Variants in ADARB2 observed in about 807,000 individuals in gnomAD.
ADARB2 encodes inactive double-stranded RNA-specific editase B2.
A neutral mutation model predicts 62.2 loss-of-function variants in ADARB2; 25 were observed. The ratio of observed to expected loss-of-function variants is 0.40; its 90% CI spans 0.29 to 0.56. The LOEUF (loss-of-function observed/expected upper bound fraction) is 0.56, where lower values mean the gene tolerates loss of function less well. ADARB2 is among the 20% of genes least tolerant of loss of function. The pLI, the probability that ADARB2 is intolerant of heterozygous loss-of-function variation, is 0.43. For missense variants in ADARB2, 1,071 were observed against 1,077.4 expected, an observed-to-expected ratio of 0.99 and a Z score of 0.08; for synonymous variants, 572 against 500.8, an observed-to-expected ratio of 1.14 and a Z score of -1.90.
At chr10:1,247,498 C>T (rs1427548990) in intron 4 of ADARB2, among the ~76,000 whole-genome samples, 5 of 151,994 alleles carry the variant, frequency 3.3e-5, no homozygotes, top group Admixed American at 1.3e-4. Context: ...TTTTGAGATA[C>T]GTCCCATTAA....
chr10:1,492,378 G>T (rs1009393626), intron 1 of ADARB2, among the ~76,000 whole-genome samples: 6 of 152,136 alleles, frequency 3.9e-5, no homozygotes, highest in African/African-American at 1.4e-4. Context: ...GTGGGTCCAT[G>T]GTCCAGTATG....
chr10:1,362,470 G>A (rs2805575), intron 3 of ADARB2, among the ~76,000 whole-genome samples: 1 of 152,198 alleles, frequency 6.6e-6, no homozygotes, highest in African/African-American at 2.4e-5. Context: ...GTAATCGCAG[G>A]TTAGAAGGCG....
intron 4 of ADARB2, among the ~76,000 whole-genome samples, chr10:1,268,545 T>C (rs1056570638): frequency 4.6e-5 from 7 of 152,228 alleles, no homozygotes; most frequent in African/African-American, 1.7e-4. Context: ...CATTGTGACA[T>C]ATACAGCAAC....
chr10:1,362,723 C>T lies in ADARB2; in HGVS notation c.1077+305G>A, dbSNP rs569942809. Among the ~76,000 whole-genome samples the T allele has an allele frequency of 9.4e-4, 143 of 152,348 alleles. 1 individual carries two copies. Among genetic ancestry groups the T allele is most frequent in the Non-Finnish European group, 1.7e-3 (119 of 68,022 alleles). On this transcript the variant is annotated intron_variant, in intron 3 of 9. Transcript: ENST00000381312. ...CCATCCGACCCTACGCGTGGAGACCCAGTCACGGACGAAACCTGGCACGGG... is the reference window on the plus strand; with the variant it reads ...CCATCCGACCCTACGCGTGGAGACCTAGTCACGGACGAAACCTGGCACGGG...
intron 1 of ADARB2, among the ~76,000 whole-genome samples, chr10:1,571,486 T>C (rs1255951315): frequency 6.6e-6 from 1 of 152,242 alleles, no homozygotes; most frequent in Non-Finnish European, 1.5e-5. Flanking sequence ...GGATTTGAAA[T>C]GTTTTTCTGC....
intron 4 of ADARB2, among the ~76,000 whole-genome samples, chr10:1,251,549 G>A (rs975361785): frequency 2.0e-4 from 31 of 152,254 alleles, no homozygotes; most frequent in African/African-American, 7.5e-4. Context: ...CCAACACCGG[G>A]AGCGAACCCT....
chr10:1,257,726 T>C (rs760556292), intron 4 of ADARB2, among the ~76,000 whole-genome samples: 21 of 152,192 alleles, frequency 1.4e-4, no homozygotes, highest in Non-Finnish European at 2.8e-4. Flanking sequence ...CTGTGTTTCT[T>C]GGTGTGAATT....
At chr10:1,371,638 A>G (rs1162838686) in intron 2 of ADARB2, among the ~76,000 whole-genome samples, 2 of 152,328 alleles carry the variant, frequency 1.3e-5, no homozygotes, top group East Asian at 3.9e-4. Flanking sequence ...AAATTGGGCA[A>G]AGGGCATGAA....
At chr10:1,709,236 A>G (rs370939684) in intron 1 of ADARB2, among the ~76,000 whole-genome samples, 229 of 152,296 alleles carry the variant, frequency 1.5e-3, no homozygotes, top group African/African-American at 4.8e-3. Context: ...ACTTTCTGCA[A>G]ATTGCTACAA....
chr10:1,632,451 CT>C (rs1257529256), intron 1 of ADARB2, among the ~76,000 whole-genome samples: 1 of 151,964 alleles, frequency 6.6e-6, no homozygotes, highest in East Asian at 1.9e-4. Flanking sequence ...CACATGCACA[CT>C]ACACATGTGC....
intron 1 of ADARB2, among the ~76,000 whole-genome samples, chr10:1,726,598 A>G (rs955012409): frequency 1.3e-5 from 2 of 152,198 alleles, no homozygotes; most frequent in Admixed American, 6.5e-5. Flanking sequence ...GTCACGAACG[A>G]GGCCATGCTC....
chr10:1,655,186 G>A (rs994040353), intron 1 of ADARB2, among the ~76,000 whole-genome samples: 6 of 152,154 alleles, frequency 3.9e-5, no homozygotes, highest in Admixed American at 6.5e-5. Context: ...CACACCCCTT[G>A]GCTGCTGAAC....
intron 1 of ADARB2, among the ~76,000 whole-genome samples, chr10:1,553,314 C>T (rs978344620): frequency 3.9e-5 from 6 of 152,200 alleles, no homozygotes; most frequent in African/African-American, 1.4e-4. Flanking sequence ...ACATGGTGCA[C>T]ACATTTTGGA....
intron 1 of ADARB2, among the ~76,000 whole-genome samples, chr10:1,417,282 A>G (rs1291486432): frequency 5.3e-5 from 8 of 150,900 alleles, no homozygotes; most frequent in Non-Finnish European, 1.2e-4. Flanking sequence ...TATGCAAACT[A>G]GATAGGAAGT....
At chr10:1,192,320 A>G (rs559851846) in intron 8 of ADARB2, among the ~76,000 whole-genome samples, 2 of 152,332 alleles carry the variant, frequency 1.3e-5, no homozygotes, top group African/African-American at 4.8e-5. Context: ...ATAAAGCTAA[A>G]GGAATCAGAG....
rs146144480 is a variant in ADARB2 at position 1,429,496 on chromosome 10, A to G, written c.101-50336T>C. On this transcript the variant is annotated intron_variant, in intron 1 of 9. Transcript: ENST00000381312. ...AGAGAATATGGTAAAATATTAGCCT[A>G]TAGATTTGGGCCCAACCCACATGGA... 3.5e-3 allele frequency among the ~76,000 whole-genome samples: 528 copies of G among 152,338 alleles called. 3 individuals carry two copies. The highest frequency in any genetic ancestry group is 0.011 in the African/African-American group (475 of 41,584).
intron 1 of ADARB2, among the ~76,000 whole-genome samples, chr10:1,630,295 C>T (rs901928320): frequency 2.0e-5 from 3 of 152,146 alleles, no homozygotes; most frequent in South Asian, 4.2e-4. Flanking sequence ...AGATGACACT[C>T]GTGCAGGTAA....
At chr10:1,575,793 C>T (rs1833003077) in intron 1 of ADARB2, among the ~76,000 whole-genome samples, 1 of 152,178 alleles carries the variant, frequency 6.6e-6, no homozygotes, top group African/African-American at 2.4e-5. Flanking sequence ...TGGCTCTGGC[C>T]TTGGGGCAGT....
intron 1 of ADARB2, among the ~76,000 whole-genome samples, chr10:1,460,280 GTGTAA>G (rs1831155924): frequency 2.8e-5 from 1 of 35,378 alleles, no homozygotes; most frequent in Non-Finnish European, 6.8e-5. Flanking sequence ...GAGTTTACCT[GTGTAA>G]CGAACCTGCC....
Sources: allele counts gnomAD v4.1 joint callset (sites outside exome capture counted in the v4.1 genomes callset), GRCh38; gene constraint gnomAD v4.1.1; transcripts MANE v1.5; gene names NCBI Gene and HGNC (gene_info 2026-07-23, HGNC 2026-07-21).